Variants in RUNX1T1 observed in about 807,000 individuals in gnomAD.
RUNX1T1 encodes the protein RUNX1 partner transcriptional co-repressor 1, also known as protein CBFA2T1.
Under a neutral mutation model 62.8 loss-of-function variants are expected in RUNX1T1, and 4 were observed. That is an observed-to-expected ratio of 0.06 (90% confidence interval 0.03 to 0.15). RUNX1T1 has a LOEUF of 0.15. RUNX1T1 is among the 10% of genes least tolerant of loss of function. The pLI, the probability that RUNX1T1 is intolerant of heterozygous loss-of-function variation, is 1.00. For missense variants in RUNX1T1, 508 were observed against 754.3 expected, an observed-to-expected ratio of 0.67 and a Z score of 3.82; for synonymous variants, 291 against 286.0, an observed-to-expected ratio of 1.02 and a Z score of -0.18.
At chr8:92,064,927 G>A (rs1326782496), upstream of RUNX1T1, among the ~76,000 whole-genome samples, 1 of 152,074 alleles carries the variant, frequency 6.6e-6, no homozygotes, top group Admixed American at 6.5e-5. Context: ...ACTTTAAATT[G>A]ATCCACATCA....
intron 1 of RUNX1T1, among the ~76,000 whole-genome samples, chr8:92,077,402 T>C (rs1242568035): frequency 6.6e-6 from 1 of 152,046 alleles, no homozygotes; most frequent in East Asian, 1.9e-4. Context: ...TAAATATATG[T>C]ACACGTATAG....
chr8:92,053,424 G>A (rs1364606498), intron 1 of RUNX1T1, among the ~76,000 whole-genome samples: 1 of 152,180 alleles, frequency 6.6e-6, no homozygotes, highest in Non-Finnish European at 1.5e-5. Flanking sequence ...CCCAGGTGGA[G>A]GGAGAGTCCA....
intron 1 of RUNX1T1, among the ~76,000 whole-genome samples, chr8:92,019,982 T>C (rs1823773830): frequency 6.6e-6 from 1 of 152,340 alleles, no homozygotes; most frequent in East Asian, 1.9e-4. Context: ...CTAGCCAGAA[T>C]ATATGTATAT....
At chr8:91,957,439 A>AGAGGAAGAG (rs1809549601), downstream of RUNX1T1, 1 of 231,180 alleles carries the variant, frequency 4.3e-6, no homozygotes, top group Admixed American at 5.7e-5. Context: ...AAACAGGAGG[A>AGAGGAAGAG]GAGGAAGAGG....
chr8:91,975,927 T>C, exon 9 of RUNX1T1: 1 of 1,613,112 alleles, frequency 6.2e-7, no homozygotes, highest in Non-Finnish European at 8.5e-7. Context: ...AGATCTCCTC[T>C]GGCACGTATC....
intron 1 of RUNX1T1, among the ~76,000 whole-genome samples, chr8:92,055,974 G>A (rs1830970471): frequency 6.6e-6 from 1 of 152,160 alleles, no homozygotes; most frequent in African/African-American, 2.4e-5. Flanking sequence ...ATTTCACAGG[G>A]AAAATGTCAG....
At chr8:92,064,760 G>A (rs917794664), upstream of RUNX1T1, among the ~76,000 whole-genome samples, 1 of 152,126 alleles carries the variant, frequency 6.6e-6, no homozygotes, top group African/African-American at 2.4e-5. Flanking sequence ...TGAGAAAACT[G>A]GATGATATCC....
intron 1 of RUNX1T1, among the ~76,000 whole-genome samples, chr8:92,057,730 G>A (rs1342387522): frequency 6.6e-6 from 1 of 152,100 alleles, no homozygotes; most frequent in Non-Finnish European, 1.5e-5. Flanking sequence ...AAGCCAGCAC[G>A]ATAAACCTGT....
chr8:91,992,898 T>A (rs1050415309), intron 5 of RUNX1T1, among the ~76,000 whole-genome samples: 17 of 152,082 alleles, frequency 1.1e-4, no homozygotes, highest in African/African-American at 3.9e-4. Context: ...AAAGTAGGAG[T>A]AAAGCAGTAA....
At chr8:92,003,515 A>G in intron 5 of RUNX1T1, 1 of 395,198 alleles carries the variant, frequency 2.5e-6, no homozygotes. Context: ...TATCTTAGCT[A>G]TCTAAATCTT....
At chr8:92,034,087 C>A (rs552565799) in intron 1 of RUNX1T1, among the ~76,000 whole-genome samples, 1 of 152,050 alleles carries the variant, frequency 6.6e-6, no homozygotes, top group Admixed American at 6.5e-5. Flanking sequence ...GTTAAAGAGG[C>A]GGAGTTATCT....
At chr8:92,067,405 T>C (rs372162543), upstream of RUNX1T1, among the ~76,000 whole-genome samples, 4 of 152,328 alleles carry the variant, frequency 2.6e-5, no homozygotes, top group South Asian at 6.2e-4. Context: ...CTATGACTTA[T>C]GTAAAACTCA....
intron 1 of RUNX1T1, among the ~76,000 whole-genome samples, chr8:92,098,694 G>A (rs1023820364): frequency 3.9e-5 from 6 of 152,034 alleles, no homozygotes; most frequent in African/African-American, 1.2e-4. Flanking sequence ...TACATAAAAC[G>A]CATTTACAAT....
chr8:91,957,268 CAAG>C (rs1809533893), downstream of RUNX1T1: 1 of 224,070 alleles, frequency 4.5e-6, no homozygotes, highest in Non-Finnish European at 8.9e-6. Context: ...GCATTGTTAC[CAAG>C]AAGTGATATG....
rs1037600886 is a variant in RUNX1T1, at chr8:91,994,493, G to T, written c.660-2604C>A. 7.4e-6 allele frequency: 3 copies of T among 404,378 alleles called. No homozygotes were observed. In the Admixed American group the frequency reaches 8.6e-5, roughly 12 times the overall value. 25.0% of individuals were successfully genotyped at this position (404,378 alleles called of 1,614,324 possible). ...ATGCTAACACAGCACCTACCTTACT[G>T]GCATTGTGGTGTAGTGGAAAGAGCA... On this transcript the variant is annotated intron_variant, in intron 5 of 10. Coordinates refer to ENST00000396218, the Ensembl canonical transcript of RUNX1T1.
At chr8:92,093,155 T>C (rs918437131) in intron 1 of RUNX1T1, among the ~76,000 whole-genome samples, 1 of 152,226 alleles carries the variant, frequency 6.6e-6, no homozygotes, top group Non-Finnish European at 1.5e-5. Flanking sequence ...AACATTTTCA[T>C]GAAAATTGTA....
At chr8:92,088,950 A>T (rs1351447855) in intron 1 of RUNX1T1, among the ~76,000 whole-genome samples, 2 of 152,238 alleles carry the variant, frequency 1.3e-5, no homozygotes, top group Non-Finnish European at 2.9e-5. Flanking sequence ...CCTTTGTGGC[A>T]AAGAACTTCA....
At chr8:92,083,583 A>G (rs183282547) in intron 1 of RUNX1T1, among the ~76,000 whole-genome samples, 4 of 152,354 alleles carry the variant, frequency 2.6e-5, no homozygotes, top group African/African-American at 9.6e-5. Flanking sequence ...GGTGATCATT[A>G]AAAAGTCAGG....
chr8:92,076,280 T>C, intron 1 of RUNX1T1, 143 bp from the exon 2 acceptor site: 1 of 538,466 alleles, frequency 1.9e-6, no homozygotes, highest in Non-Finnish European at 2.8e-6. Flanking sequence ...TTCTAAATTT[T>C]AGAAGAATCC....
Sources: gnomAD v4.1 joint callset for allele counts (sites outside exome capture counted in the v4.1 genomes callset) on GRCh38, gnomAD v4.1.1 for gene constraint, MANE v1.5 for transcripts, NCBI Gene and HGNC (gene_info 2026-07-23, HGNC 2026-07-21) for gene names.